The following RALGPS1 variants were observed in gnomAD, a reference collection of about 807,000 sequenced individuals.
RALGPS1 encodes the protein Ral GEF with PH domain and SH3 binding motif 1.
Under a neutral mutation model 78.8 loss-of-function variants are expected in RALGPS1, and 19 were observed. The ratio of observed to expected loss-of-function variants is 0.24; its 90% CI spans 0.17 to 0.35. RALGPS1 has a LOEUF of 0.35. Among genes scored for constraint, RALGPS1 ranks in the 10% least tolerant of loss-of-function variants. The pLI is 1.00. For synonymous variants in RALGPS1, 228 were observed against 256.3 expected (o/e 0.89, Z 1.06); for missense variants, 454 against 688.3 (o/e 0.66, Z 3.81).
chr9:127,021,993 A>G (rs1303873970), intron 4 of RALGPS1, among the ~76,000 whole-genome samples: 1 of 152,052 alleles, frequency 6.6e-6, no homozygotes, highest in Non-Finnish European at 1.5e-5. Context: ...TATGTTTTCC[A>G]AGCAGATGGT....
chr9:126,997,263 A>T (rs1458127002), intron 4 of RALGPS1, among the ~76,000 whole-genome samples: 3 of 152,220 alleles, frequency 2.0e-5, no homozygotes, highest in African/African-American at 7.2e-5. Context: ...AGATGACATG[A>T]TTGTATATCT....
At chr9:126,948,922 C>A (rs1426354547) in intron 1 of RALGPS1, among the ~76,000 whole-genome samples, 2 of 151,888 alleles carry the variant, frequency 1.3e-5, no homozygotes, top group African/African-American at 2.4e-5. Flanking sequence ...CCCATTAACT[C>A]GTCATTTAGC....
chr9:126,946,355 G>A (rs574138699), intron 1 of RALGPS1, among the ~76,000 whole-genome samples: 10 of 152,120 alleles, frequency 6.6e-5, no homozygotes, highest in Admixed American at 3.3e-4. Context: ...CCAATGTGGC[G>A]AAACCCCGTC....
chr9:127,187,730 TC>T (rs2060742921), intron 11 of RALGPS1, among the ~76,000 whole-genome samples: 1 of 152,176 alleles, frequency 6.6e-6, no homozygotes, highest in African/African-American at 2.4e-5. Flanking sequence ...CAAGGCAAGA[TC>T]CACCCTCTAC....
At chr9:127,026,381 A>G (rs950716681) in intron 4 of RALGPS1, among the ~76,000 whole-genome samples, 5 of 152,192 alleles carry the variant, frequency 3.3e-5, no homozygotes, top group African/African-American at 1.2e-4. Flanking sequence ...TCCTTTGGCA[A>G]CACCCTCACA....
intron 8 of RALGPS1, among the ~76,000 whole-genome samples, chr9:127,125,730 T>A (rs568590553): frequency 1.3e-5 from 2 of 152,218 alleles, no homozygotes; most frequent in Non-Finnish European, 2.9e-5. Flanking sequence ...CACTTGTCTG[T>A]CAGACAGAAG....
At chr9:127,153,742 C>A (rs1283681789) in intron 8 of RALGPS1, among the ~76,000 whole-genome samples, 1 of 152,224 alleles carries the variant, frequency 6.6e-6, no homozygotes, top group East Asian at 1.9e-4. Context: ...CCCTGCAGAG[C>A]ATCCTCTGAC....
chr9:127,176,166 C>T (rs1020041833), intron 11 of RALGPS1, among the ~76,000 whole-genome samples: 1 of 152,332 alleles, frequency 6.6e-6, no homozygotes. Context: ...TACCTCAAGA[C>T]AGTCCTGGCA....
intron 1 of RALGPS1, among the ~76,000 whole-genome samples, chr9:126,951,790 A>G (rs1358972004): frequency 2.6e-5 from 4 of 152,220 alleles, no homozygotes; most frequent in East Asian, 1.9e-4. Context: ...CACCACTCCT[A>G]TTCAACATAG....
chr9:127,102,116 C>T (rs992556347), intron 8 of RALGPS1, among the ~76,000 whole-genome samples: 10 of 152,138 alleles, frequency 6.6e-5, no homozygotes, highest in African/African-American at 2.2e-4. Context: ...TCTCTGCTGC[C>T]TGCATCCTTC....
chr9:126,932,641 G>C (rs1277563887), intron 1 of RALGPS1, among the ~76,000 whole-genome samples: 2 of 151,886 alleles, frequency 1.3e-5, no homozygotes, highest in Non-Finnish European at 2.9e-5. Flanking sequence ...GATAGAAAAG[G>C]TTATAGACCA....
At chr9:127,178,142 G>A in intron 11 of RALGPS1, 1 of 752,664 alleles carries the variant, frequency 1.3e-6, no homozygotes, top group East Asian at 3.8e-5. Context: ...GGCTGTGCAG[G>A]GTCTGTGGGC....
chr9:127,122,819 G>A lies in RALGPS1; in HGVS notation c.611-43250G>A, dbSNP rs938698378. The A allele has an allele frequency of 8.5e-5, 13 of 152,360 alleles. No individual in the cohort carries two copies. Among genetic ancestry groups the A allele is most frequent in the Admixed American group, 6.5e-4 (10 of 15,286 alleles). 9.4% of individuals were successfully genotyped at this position (152,360 alleles called of 1,614,324 possible). On this transcript the variant is annotated intron_variant, in intron 8 of 18. Coordinates refer to ENST00000259351, the MANE Select transcript of RALGPS1 (RefSeq NM_014636.3). This position sits in a 1 kb window ranked among gnomAD's most constrained non-coding sequence, Gnocchi z 6.4. ...GGCGGGCCGCCCGGTGATGTCACAC[G>A]AGCTCCGGCCCCAGCTGGCCTGGCC... is the stretch of plus-strand genomic sequence containing the variant.
At chr9:127,181,471 C>T (rs1312508758) in intron 11 of RALGPS1, among the ~76,000 whole-genome samples, 1 of 152,242 alleles carries the variant, frequency 6.6e-6, no homozygotes, top group Admixed American at 6.5e-5. Flanking sequence ...CTCTGGACAG[C>T]CTCTGAGGCT....
chr9:127,198,178 C>T (rs140718586), intron 13 of RALGPS1, among the ~76,000 whole-genome samples: 4 of 152,278 alleles, frequency 2.6e-5, no homozygotes, highest in Non-Finnish European at 5.9e-5. Context: ...CCTGATGAAG[C>T]GGCCATTTGT....
intron 7 of RALGPS1, among the ~76,000 whole-genome samples, chr9:127,058,513 C>G (rs2048935282): frequency 6.6e-6 from 1 of 151,978 alleles, no homozygotes; most frequent in African/African-American, 2.4e-5. Flanking sequence ...GAACAGCAGG[C>G]TGATATCGGA....
At chr9:126,916,550 G>A (rs1046194078) in intron 1 of RALGPS1, among the ~76,000 whole-genome samples, 4 of 152,178 alleles carry the variant, frequency 2.6e-5, no homozygotes, top group African/African-American at 4.8e-5. Context: ...GGAGGCCAAG[G>A]CGGGTGGATC....
intron 4 of RALGPS1, among the ~76,000 whole-genome samples, chr9:127,008,263 T>G (rs1472895953): frequency 6.6e-6 from 1 of 152,192 alleles, no homozygotes. Flanking sequence ...AGCATGACTG[T>G]GTGGCTAGTA....
At chr9:127,178,115 A>G in intron 11 of RALGPS1, 1 of 998,654 alleles carries the variant, frequency 1.0e-6, no homozygotes, top group Non-Finnish European at 1.4e-6. Context: ...GGGATGGCTG[A>G]GTTCTGGAGG....
Sources: gnomAD v4.1 joint callset for allele counts (sites outside exome capture counted in the v4.1 genomes callset) on GRCh38, gnomAD v4.1.1 for gene constraint, Gnocchi (gnomAD v3.1) non-coding constraint, MANE v1.5 for transcripts, NCBI Gene and HGNC (gene_info 2026-07-23, HGNC 2026-07-21) for gene names.